Variants in MXD1 observed in about 807,000 individuals in gnomAD.
MXD1 encodes the protein MAX-binding protein.
A neutral mutation model predicts 25.7 loss-of-function variants in MXD1; 9 were observed. The ratio of observed to expected loss-of-function variants is 0.35; its 90% CI spans 0.21 to 0.61. MXD1 has a LOEUF of 0.61. MXD1 is among the 20% of genes least tolerant of loss of function. The pLI is 0.75. For synonymous variants in MXD1, 99 were observed against 113.9 expected (o/e 0.87, Z 0.83); for missense variants, 227 against 292.4 (o/e 0.78, Z 1.63).
intron 3 of MXD1, among the ~76,000 whole-genome samples, chr2:69,929,131 G>C (rs180681329): frequency 5.2e-4 from 79 of 152,308 alleles, no homozygotes; most frequent in Admixed American, 3.5e-3. Flanking sequence ...GGCCTCAAGT[G>C]ATCCACCCTC....
chr2:69,936,878 C>A, intron 4 of MXD1: 1 of 437,710 alleles, frequency 2.3e-6, no homozygotes, highest in Non-Finnish European at 4.6e-6. Flanking sequence ...GTTTTCTAGT[C>A]CGGAGATCAG....
intron 3 of MXD1, among the ~76,000 whole-genome samples, chr2:69,924,951 C>G (rs1391164679): frequency 1.3e-5 from 2 of 152,160 alleles, no homozygotes; most frequent in Non-Finnish European, 1.5e-5. Context: ...ATATTATACC[C>G]AACACCAACA....
In MXD1 at chr2:69,940,017, T is replaced by C. The variant is rs1677558321; in HGVS notation, c.*1733T>C. Reference sequence around the variant, plus strand: ...AAAATGATTCTTTAATGTATTTTTCTAAACATTCTGATTGGAAGTAGTGGA... The same window carrying C: ...AAAATGATTCTTTAATGTATTTTTCCAAACATTCTGATTGGAAGTAGTGGA... On this transcript the variant is annotated 3_prime_UTR_variant, in exon 6 of 6. Coordinates refer to ENST00000264444, the MANE Select transcript of MXD1 (RefSeq NM_002357.4). 6.6e-6 allele frequency: 1 copy of C among 152,072 alleles called. No homozygotes were observed. Among genetic ancestry groups the C allele is most frequent in the Non-Finnish European group, 1.5e-5 (1 of 68,024 alleles). 9.4% of individuals were successfully genotyped at this position (152,072 alleles called of 1,614,324 possible).
chr2:69,937,700 C>T (rs532462285), intron 5 of MXD1, among the ~76,000 whole-genome samples: 5 of 152,126 alleles, frequency 3.3e-5, no homozygotes, highest in East Asian at 3.9e-4. Context: ...CTGCAACCTC[C>T]GCCTCCCGGG....
chr2:69,918,455 C>T (rs1017953076), intron 2 of MXD1, among the ~76,000 whole-genome samples: 24 of 152,138 alleles, frequency 1.6e-4, no homozygotes, highest in African/African-American at 5.6e-4. Context: ...CATAGAACTG[C>T]TGGAATATGG....
rs1395451458 is a variant in MXD1, at chr2:69,926,539, A to T, written c.203+4774A>T. 3.3e-5 allele frequency among the ~76,000 whole-genome samples: 5 copies of T among 152,198 alleles called. 1 individual carries two copies. The East Asian group carries it at 9.6e-4, about 29-fold the overall frequency. On this transcript the variant is annotated intron_variant, in intron 3 of 5. Coordinates refer to ENST00000264444, the MANE Select transcript of MXD1 (RefSeq NM_002357.4). ...CAGGATTTGGTATGTGCCTTAATTT[A>T]TTCAGATTTCTCTTCTGTCTCTAAG...
intron 3 of MXD1, among the ~76,000 whole-genome samples, chr2:69,928,866 C>T (rs1677220860): frequency 6.6e-6 from 1 of 152,086 alleles, no homozygotes; most frequent in South Asian, 2.1e-4. Flanking sequence ...AGCCTGGGAC[C>T]TAAGAAAGCA....
At chr2:69,930,432 A>T (rs1037848397) in intron 3 of MXD1, among the ~76,000 whole-genome samples, 1 of 152,180 alleles carries the variant, frequency 6.6e-6, no homozygotes, top group African/African-American at 2.4e-5. Context: ...CCTCCCTCCC[A>T]ACCTTGGAAT....
chr2:69,930,439 G>T (rs1677257507), intron 3 of MXD1, among the ~76,000 whole-genome samples: 1 of 152,158 alleles, frequency 6.6e-6, no homozygotes, highest in South Asian at 2.1e-4. Flanking sequence ...CCCAACCTTG[G>T]AATCCTTTCT....
rs1285728030 is a variant in MXD1 at position 69,938,007 on chromosome 2, A to G, written c.479-90A>G. 3 of 1,301,456 alleles carry G rather than the reference A, an allele frequency of 2.3e-6. No homozygotes were observed. The East Asian group carries it at 7.2e-5, about 31-fold the overall frequency. 80.6% of individuals were successfully genotyped at this position (1,301,456 alleles called of 1,614,324 possible). On this transcript the variant is annotated intron_variant, in intron 5 of 5. Coordinates refer to ENST00000264444, the MANE Select transcript of MXD1 (RefSeq NM_002357.4). ...AGTGATCCACCCGCCTTTGCCTCCC[A>G]AAGTGCTGGGATTACAAGCATGAGC...
chr2:69,926,257 G>T (rs1035242330), intron 3 of MXD1, among the ~76,000 whole-genome samples: 2 of 151,538 alleles, frequency 1.3e-5, no homozygotes, highest in Non-Finnish European at 2.9e-5. Flanking sequence ...TTTGTTTATG[G>T]CTAAGTCTCT....
At position 69,942,684 on chromosome 2, in the gene MXD1, G is replaced by C. The variant is rs369655841; in HGVS notation, c.*4400G>C. 2 of 152,066 alleles carry C rather than the reference G, an allele frequency of 1.3e-5. No homozygotes were observed. Among genetic ancestry groups the C allele is most frequent in the South Asian group, 4.1e-4 (2 of 4,830 alleles). The allele number at this position is 152,066 out of a possible 1,614,324, so 9.4% of individuals were successfully genotyped here. A position where few individuals can be genotyped will look rare whatever the true frequency, so the allele number is the denominator to read the frequency against. On this transcript the variant is annotated 3_prime_UTR_variant, in exon 6 of 6. Coordinates refer to ENST00000264444, the MANE Select transcript of MXD1 (RefSeq NM_002357.4). ...ATTGCTGTTACCATCATTTTTGGGG[G>C]GCCATCTTCCTAATGCTACACACAG...
chr2:69,921,624 A>T, intron 2 of MXD1, 112 bp from the exon 3 acceptor site: 1 of 921,560 alleles, frequency 1.1e-6, no homozygotes, highest in Non-Finnish European at 1.6e-6. Flanking sequence ...CTGCCTTTCT[A>T]CATCTCTCCT....
intron 3 of MXD1, among the ~76,000 whole-genome samples, chr2:69,932,959 G>A (rs1677326902): frequency 6.6e-6 from 1 of 151,982 alleles, no homozygotes; most frequent in Non-Finnish European, 1.5e-5. Flanking sequence ...AGCACTTTGG[G>A]AGGCTGAGGC....
At chr2:69,934,586 C>A (rs1442690081) in intron 3 of MXD1, among the ~76,000 whole-genome samples, 4 of 152,204 alleles carry the variant, frequency 2.6e-5, no homozygotes, top group African/African-American at 9.6e-5. Context: ...CTTGCCTTCT[C>A]CCTGCCCAGC....
chr2:69,915,340 G>A lies in MXD1; in HGVS notation c.10G>A (p.Ala4Thr), dbSNP rs1205164010. ...CGGCCCCCGGTGCAGAATGGCGGCG[G>A]CGGTTCGGATGAACATCCAGATGCT... is the stretch of plus-strand genomic sequence containing the variant. Reference protein sequence around the residue: MAAAVRMNIQMLLE... With the variant: MAATVRMNIQMLLE... Residue 4 changes from alanine (A) to threonine (T), a missense_variant, in exon 1 of 6, where the codon GCG becomes ACG. Transcript: ENST00000264444. This position sits in a 1 kb window ranked among gnomAD's most constrained non-coding sequence, Gnocchi z 5.8. The A allele has an allele frequency of 4.6e-6, 6 of 1,307,722 alleles. No individual in the cohort carries two copies. Among genetic ancestry groups the A allele is most frequent in the Non-Finnish European group, 5.9e-6 (6 of 1,019,266 alleles). The allele number at this position is 1,307,722 out of a possible 1,614,324, so 81.0% of individuals were successfully genotyped here. A position where few individuals can be genotyped will look rare whatever the true frequency, so the allele number is the denominator to read the frequency against.
chr2:69,933,604 G>C (rs1387043369), intron 3 of MXD1, among the ~76,000 whole-genome samples: 1 of 152,136 alleles, frequency 6.6e-6, no homozygotes, highest in East Asian at 1.9e-4. Context: ...GGAGAGTTTA[G>C]GACAACTTCC....
intron 3 of MXD1, among the ~76,000 whole-genome samples, chr2:69,924,410 T>C (rs1677132725): frequency 6.6e-6 from 1 of 152,226 alleles, no homozygotes; most frequent in Non-Finnish European, 1.5e-5. Flanking sequence ...CTTTCTAGTC[T>C]AGAGCATGTG....
chr2:69,915,235 C>CAGCGGGCTCCAT lies in MXD1; in HGVS notation c.-84_-73dup, dbSNP rs1305740907. The CAGCGGGCTCCAT allele has an allele frequency of 1.2e-5, 14 of 1,139,714 alleles. No individual in the cohort carries two copies. Among genetic ancestry groups the CAGCGGGCTCCAT allele is most frequent in the Admixed American group, 8.4e-5 (2 of 23,724 alleles). The allele number at this position is 1,139,714 out of a possible 1,614,324, so 70.6% of individuals were successfully genotyped here. A position where few individuals can be genotyped will look rare whatever the true frequency, so the allele number is the denominator to read the frequency against. ...TCCGCGGGGTCCACAGCGGGCTCCA[C>CAGCGGGCTCCAT]AGCGGGCTCCATAGCGGGCTCCACA... On this transcript the variant is annotated 5_prime_UTR_variant, in exon 1 of 6. Transcript: ENST00000264444. This position sits in a 1 kb window ranked among gnomAD's most constrained non-coding sequence, Gnocchi z 5.8.
Sources: gnomAD v4.1 joint callset for allele counts (sites outside exome capture counted in the v4.1 genomes callset) on GRCh38, gnomAD v4.1.1 for gene constraint, Gnocchi (gnomAD v3.1) non-coding constraint, MANE v1.5 for transcripts, NCBI Gene and HGNC (gene_info 2026-07-23, HGNC 2026-07-21) for gene names.